The following NEDD4L variants were observed in gnomAD, a reference collection of about 807,000 sequenced individuals.
NEDD4L encodes NEDD4 like E3 ubiquitin protein ligase, also known as E3 ubiquitin-protein ligase NEDD4-like.
NEDD4L carries 54 observed loss-of-function variants against 148.9 expected under a neutral mutation model. That is an observed-to-expected ratio of 0.36 (90% CI 0.29 to 0.45). NEDD4L has a LOEUF of 0.45. Among genes scored for constraint, NEDD4L ranks in the 20% least tolerant of loss-of-function variants. The probability of loss-of-function intolerance (pLI) is 1.00; values close to 1 mark genes in which losing one functional copy is unlikely to be tolerated. For missense variants in NEDD4L, 856 were observed against 1,233.8 expected (o/e 0.69, Z 4.59); for synonymous variants, 433 against 440.7 (o/e 0.98, Z 0.22).
intron 2 of NEDD4L, among the ~76,000 whole-genome samples, chr18:58,168,510 G>A (rs1011167989): frequency 1.3e-5 from 2 of 152,186 alleles, no homozygotes; most frequent in Non-Finnish European, 2.9e-5. Context: ...AGTGACTTCT[G>A]TCGGCAGCAG....
intron 24 of NEDD4L, among the ~76,000 whole-genome samples, chr18:58,374,727 C>T (rs8093141): frequency 0.17 from 25,157 of 151,952 alleles, 2,240 homozygotes; most frequent in South Asian, 0.28. Context: ...CCTTTCACTC[C>T]GGGCTCTCAC....
chr18:58,377,637 A>T (rs1237504366), intron 24 of NEDD4L, among the ~76,000 whole-genome samples: 1 of 152,176 alleles, frequency 6.6e-6, no homozygotes. Flanking sequence ...ACTGCTGTGC[A>T]CACATACCTG....
intron 30 of NEDD4L, among the ~76,000 whole-genome samples, chr18:58,392,390 A>G (rs1318937549): frequency 3.3e-5 from 5 of 152,254 alleles, no homozygotes; most frequent in Non-Finnish European, 7.3e-5. Context: ...AGCTAACATA[A>G]GCAACCAAAC....
intron 19 of NEDD4L, among the ~76,000 whole-genome samples, chr18:58,362,223 C>G (rs779168151): frequency 3.1e-4 from 47 of 152,320 alleles, no homozygotes; most frequent in Non-Finnish European, 4.9e-4. Context: ...GGGAATTTGT[C>G]ATTTAAGACA....
At chr18:58,237,529 A>G (rs1382519512) in intron 2 of NEDD4L, among the ~76,000 whole-genome samples, 1 of 152,236 alleles carries the variant, frequency 6.6e-6, no homozygotes, top group Admixed American at 6.5e-5. Flanking sequence ...TCAGTAATTT[A>G]TAGGTGAAAT....
rs147865105 is a variant in NEDD4L at position 58,075,989 on chromosome 18, T to G, written c.48+31281T>G. On this transcript the variant is annotated intron_variant, in intron 1 of 30. Transcript: ENST00000400345. ...TTTCCCCCGGTTTAGCAATACAAAGTGATCGTTAGGTTGGCACAAAGCACG... is the reference window on the plus strand; with the variant it reads ...TTTCCCCCGGTTTAGCAATACAAAGGGATCGTTAGGTTGGCACAAAGCACG... Among the ~76,000 whole-genome samples the G allele has an allele frequency of 4.4e-3, 670 of 152,280 alleles. 4 individuals are homozygous for G. The highest frequency in any genetic ancestry group is 7.8e-3 in the Non-Finnish European group (530 of 68,030).
intron 5 of NEDD4L, among the ~76,000 whole-genome samples, chr18:58,306,103 A>T (rs956753682): frequency 7.2e-5 from 11 of 152,162 alleles, no homozygotes; most frequent in African/African-American, 2.7e-4. Flanking sequence ...AGGAAAGGAG[A>T]GCCACAGAAG....
At chr18:58,076,868 T>G (rs1458710730) in intron 1 of NEDD4L, among the ~76,000 whole-genome samples, 6 of 149,998 alleles carry the variant, frequency 4.0e-5, no homozygotes, top group African/African-American at 1.5e-4. Flanking sequence ...TTTTTTTTTT[T>G]GAGATGGAGT....
chr18:58,086,655 TTGAC>T (rs1188008666), intron 1 of NEDD4L, among the ~76,000 whole-genome samples: 1 of 152,242 alleles, frequency 6.6e-6, no homozygotes, highest in Non-Finnish European at 1.5e-5. Context: ...GTTGCCTTAC[TTGAC>T]TTTCTTCACT....
intron 1 of NEDD4L, among the ~76,000 whole-genome samples, chr18:58,160,818 C>A (rs2036107155): frequency 6.6e-6 from 1 of 152,152 alleles, no homozygotes; most frequent in Non-Finnish European, 1.5e-5. Context: ...CATGTGTAAA[C>A]TATTTTTATA....
intron 1 of NEDD4L, among the ~76,000 whole-genome samples, chr18:58,085,179 C>T (rs1057018745): frequency 2.6e-5 from 4 of 152,182 alleles, no homozygotes; most frequent in Non-Finnish European, 2.9e-5. Flanking sequence ...AATGTGAATT[C>T]TGGGGGAACA....
intron 1 of NEDD4L, among the ~76,000 whole-genome samples, chr18:58,144,652 G>GA (rs141426542): frequency 2.7e-4 from 39 of 146,904 alleles, no homozygotes; most frequent in African/African-American, 5.5e-4. Flanking sequence ...GTCAGTCCTG[G>GA]AAAAAAAAAA....
At chr18:58,217,937 G>C (rs908611075) in intron 2 of NEDD4L, among the ~76,000 whole-genome samples, 1 of 152,032 alleles carries the variant, frequency 6.6e-6, no homozygotes, top group African/African-American at 2.4e-5. Context: ...CGTACTTTTC[G>C]AAGGCTGCAG....
At chr18:58,171,666 G>A (rs2037523154) in intron 2 of NEDD4L, among the ~76,000 whole-genome samples, 2 of 152,242 alleles carry the variant, frequency 1.3e-5, no homozygotes, top group South Asian at 2.1e-4. Flanking sequence ...GTGTGCTGTG[G>A]CACCTGATGG....
Position 58,269,768 on chromosome 18 carries a change from AT to A in NEDD4L, c.297+17723del, listed in dbSNP as rs370489949. ...TTTGGTGTAAATACTGATTTAATGC[AT>A]TTTTTTTTCTCACCCACTTTTCCTT... On this transcript the variant is annotated intron_variant, in intron 5 of 30. Transcript: ENST00000400345. Among the ~76,000 whole-genome samples the A allele has an allele frequency of 7.6e-3, 1,144 of 151,034 alleles. 15 individuals carry two copies. Among genetic ancestry groups the A allele is most frequent in the African/African-American group, 0.025 (1,034 of 41,176 alleles).
intron 1 of NEDD4L, among the ~76,000 whole-genome samples, chr18:58,081,667 C>T (rs1311639955): frequency 6.6e-6 from 1 of 152,170 alleles, no homozygotes; most frequent in African/African-American, 2.4e-5. Context: ...TGATGCTGAA[C>T]TGCAGCCTTG....
chr18:58,243,923 C>T (rs896192757), intron 2 of NEDD4L, among the ~76,000 whole-genome samples: 3 of 152,078 alleles, frequency 2.0e-5, no homozygotes, highest in African/African-American at 7.2e-5. Flanking sequence ...TTGTAGCTTC[C>T]ATTCAGATAC....
rs572802071 is a variant in NEDD4L at position 58,063,539 on chromosome 18, G to A, written c.48+18831G>A. 2.8e-3 allele frequency among the ~76,000 whole-genome samples: 416 copies of A among 150,624 alleles called. 3 individuals are homozygous for A. Among genetic ancestry groups the A allele is most frequent in the African/African-American group, 9.2e-3 (380 of 41,090 alleles). On this transcript the variant is annotated intron_variant, in intron 1 of 30. Transcript: ENST00000400345. ...AGTTTTTCTAATATTGCTTTTCTTG[G>A]GAAGAACAATTAGTCACGAGATAGT...
At chr18:58,316,290 T>A (rs1184443603) in intron 6 of NEDD4L, among the ~76,000 whole-genome samples, 2 of 152,158 alleles carry the variant, frequency 1.3e-5, no homozygotes, top group African/African-American at 2.4e-5. Context: ...TTTCTGCACT[T>A]CAGCTGCTCC....
Sources: gnomAD v4.1 joint callset for allele counts (sites outside exome capture counted in the v4.1 genomes callset) on GRCh38, gnomAD v4.1.1 for gene constraint, MANE v1.5 for transcripts, NCBI Gene and HGNC (gene_info 2026-07-23, HGNC 2026-07-21) for gene names.